Variants in MYH16 observed in about 807,000 individuals in gnomAD.
The protein encoded by MYH16 is myosin heavy chain 16.
At chr7:99,262,652 G>A (rs1215056945) in intron 13 of MYH16, among the ~76,000 whole-genome samples, 1 of 152,212 alleles carries the variant, frequency 6.6e-6, no homozygotes, top group Non-Finnish European at 1.5e-5. Context: ...TCTGTGCTCA[G>A]TGGAGGGACC....
Position 99,262,541 on chromosome 7 carries a change from C to A in MYH16, n.1756-793C>A, listed in dbSNP as rs145242032. Among the ~76,000 whole-genome samples, 262 of 152,290 alleles carry A rather than the reference C, an allele frequency of 1.7e-3. 1 individual carries two copies. Among genetic ancestry groups the A allele is most frequent in the African/African-American group, 5.9e-3 (245 of 41,558 alleles). On this transcript the variant is annotated intron_variant and non_coding_transcript_variant, in intron 13 of 41. Coordinates refer to ENST00000439784, the Ensembl canonical transcript of MYH16. ...AAGTCAAGTGGCACCTGTGCATTTC[C>A]AAGAAGGCCCTAAAATAAGGCAGAG...
intron 1 of MYH16, chr7:99,239,147 A>G (rs931837852): frequency 1.3e-5 from 2 of 152,348 alleles, no homozygotes; most frequent in Admixed American, 1.3e-4. Context: ...GGTGCCTCCG[A>G]GTCCCATGTG....
chr7:99,286,296 G>A (rs184998453), intron 27 of MYH16: 9 of 152,540 alleles, frequency 5.9e-5, no homozygotes, highest in African/African-American at 1.9e-4. Context: ...TGTGCCTGTA[G>A]TTGCAGATAC....
intron 7 of MYH16, chr7:99,253,560 C>T (rs929265171): frequency 4.7e-4 from 71 of 151,888 alleles, no homozygotes; most frequent in African/African-American, 1.6e-3. Flanking sequence ...GGACTCCCCC[C>T]GTGGCAGTCA....
At chr7:99,274,697 G>A (rs192877119) in intron 20 of MYH16, among the ~76,000 whole-genome samples, 3,496 of 136,170 alleles carry the variant, frequency 0.026, 149 homozygotes, top group African/African-American at 0.095. Flanking sequence ...TTTTTGAGAC[G>A]GAGTCTCACT....
chr7:99,284,843 A>C lies in MYH16; in HGVS notation n.3226-2A>C, dbSNP rs1219375012. ...CTCAGGAGACCAACCCTTCCCTTGC[A>C]GGAGGGATTTGGAAATAAACTCTGT... On this transcript the variant is annotated splice_acceptor_variant and non_coding_transcript_variant, in intron 25 of 41. Transcript: ENST00000439784. 1.8e-5 allele frequency: 8 copies of C among 456,640 alleles called. No individual in the cohort carries two copies. In the Admixed American group the frequency reaches 1.9e-4, roughly 11 times the overall value. 28.3% of individuals were successfully genotyped at this position (456,640 alleles called of 1,614,324 possible). A position where few individuals can be genotyped will look rare whatever the true frequency, so the allele number is the denominator to read the frequency against.
chr7:99,302,557 A>T (rs1416498670), intron 38 of MYH16, among the ~76,000 whole-genome samples: 1 of 151,668 alleles, frequency 6.6e-6, no homozygotes, highest in African/African-American at 2.4e-5. Context: ...ACAGAGAGAG[A>T]CTCTGACTCA....
rs567941647 is a variant in MYH16, at chr7:99,295,207, C to T, written n.4282+1057C>T. Among the ~76,000 whole-genome samples the T allele has an allele frequency of 1.3e-4, 20 of 151,928 alleles. No homozygotes were observed. The East Asian group carries it at 3.5e-3, about 27-fold the overall frequency. ...CAGCCTGGGCAACTCGGTGAAATCC[C>T]GTCTCTAATAAAATACAAAAAATTA... On this transcript the variant is annotated intron_variant and non_coding_transcript_variant, in intron 33 of 41. Transcript: ENST00000439784.
chr7:99,260,323 C>T (rs774358494), exon 12 of MYH16: 1 of 1,375,862 alleles, frequency 7.3e-7, no homozygotes, highest in Non-Finnish European at 1.0e-6. Flanking sequence ...CTGCATCGAC[C>T]TGCTGGAAAA....
intron 7 of MYH16, chr7:99,253,044 T>C (rs923213541): frequency 6.6e-6 from 1 of 151,924 alleles, no homozygotes; most frequent in African/African-American, 2.4e-5. Context: ...GGCGGGAGGG[T>C]CGCTTGAGCC....
At chr7:99,259,706 A>G (rs765987649) in intron 11 of MYH16, among the ~76,000 whole-genome samples, 43 of 148,934 alleles carry the variant, frequency 2.9e-4, no homozygotes, top group South Asian at 2.1e-3. Context: ...ATGTGTGTGT[A>G]TATATATATA....
At chr7:99,272,674 G>A (rs1282651588) in intron 19 of MYH16, among the ~76,000 whole-genome samples, 165 bp from the exon 1 acceptor site, 2 of 151,952 alleles carry the variant, frequency 1.3e-5, no homozygotes, top group Non-Finnish European at 2.9e-5. Context: ...TTGAGCCAGG[G>A]AGTACAAAGT....
chr7:99,283,938 TGA>T (rs1173174913), exon 25 of MYH16: 1 of 456,670 alleles, frequency 2.2e-6, no homozygotes, highest in Non-Finnish European at 4.4e-6. Context: ...GTCGGAAAGC[TGA>T]GAGTGACCTG....
chr7:99,259,687 TTAATATA>T (rs1317651890), intron 11 of MYH16, among the ~76,000 whole-genome samples: 4 of 150,634 alleles, frequency 2.7e-5, no homozygotes, highest in Non-Finnish European at 5.9e-5. Context: ...CCTCATCTCT[TTAATATA>T]TATGTGTGTG....
chr7:99,242,927 G>C (rs1439208003), intron 1 of MYH16, among the ~76,000 whole-genome samples: 1 of 152,240 alleles, frequency 6.6e-6, no homozygotes, highest in African/African-American at 2.4e-5. Flanking sequence ...TATCAGGATG[G>C]ATTTGGCTGG....
chr7:99,290,485 T>C (rs1163448997), intron 30 of MYH16, among the ~76,000 whole-genome samples: 5 of 74,696 alleles, frequency 6.7e-5, no homozygotes, highest in South Asian at 3.8e-4. Context: ...GGACCCTGTC[T>C]CAAAAAAAAA....
intron 24 of MYH16, 48 bp downstream of exon 6, chr7:99,283,699 C>G: frequency 2.2e-6 from 1 of 455,992 alleles, no homozygotes; most frequent in Non-Finnish European, 4.4e-6. Context: ...GGCCAGATCC[C>G]TCTGGGGGCA....
intron 21 of MYH16, among the ~76,000 whole-genome samples, chr7:99,278,844 G>T (rs1792155594): frequency 6.6e-6 from 1 of 152,160 alleles, no homozygotes; most frequent in African/African-American, 2.4e-5. Flanking sequence ...TGCTTGAACT[G>T]ATATCCCCAT....
chr7:99,280,505 A>G (rs2150820698), intron 22 of MYH16, among the ~76,000 whole-genome samples: 1 of 152,250 alleles, frequency 6.6e-6, no homozygotes, highest in South Asian at 2.1e-4. Flanking sequence ...CCTTCCTGCT[A>G]TTGCAGGTGG....
Sources: allele counts gnomAD v4.1 joint callset (sites outside exome capture counted in the v4.1 genomes callset), GRCh38; gene constraint gnomAD v4.1.1; transcripts MANE v1.5; gene names NCBI Gene and HGNC (gene_info 2026-07-23, HGNC 2026-07-21).